CCDC124: variants seen among roughly 807,000 people sequenced by gnomAD.
CCDC124 encodes coiled-coil domain-containing protein 124.
In CCDC124, 9 loss-of-function variants were observed where a neutral mutation model predicts 19.8. That is an observed-to-expected ratio of 0.45 (90% CI 0.27 to 0.79). The LOEUF (loss-of-function observed/expected upper bound fraction) is 0.79. Among genes scored for constraint, CCDC124 ranks in the 30% least tolerant of loss-of-function variants. The pLI is 0.14. For synonymous variants in CCDC124, 126 were observed against 131.3 expected, an observed-to-expected ratio of 0.96 and a Z score of 0.27; for missense variants, 285 against 319.0, an observed-to-expected ratio of 0.89 and a Z score of 0.81.
chr19:17,943,241 T>TGGGGGGGGGC lies in CCDC124; in HGVS notation c.350-20_350-19insGGGGGGGGGC. ...CTTTGCTTATCTCTCTCTGTCTCTG[T>TGGGGGGGGGC]CACCCACCCACCCGCCCAGCCGAGA... On this transcript the variant is annotated intron_variant, in intron 3 of 4. Coordinates refer to ENST00000445755, the MANE Select transcript of CCDC124 (RefSeq NM_001136203.2). 1 of 736,666 alleles carries TGGGGGGGGGC rather than the reference T, an allele frequency of 1.4e-6. No individual in the cohort carries two copies. 45.6% of individuals were successfully genotyped at this position (736,666 alleles called of 1,614,324 possible).
In CCDC124 at chr19:17,942,861, GCT is replaced by G; in HGVS notation, c.349+19_349+20del. On this transcript the variant is annotated intron_variant, in intron 3 of 4. Transcript: ENST00000445755. This position sits in a 1 kb window ranked among gnomAD's most constrained non-coding sequence, Gnocchi z 4.2. ...CCGGACACAGGTCGGGCGGCATCCC[GCT>G]CTGGAGCTGCACTTTTGCCCACTGC... The G allele has an allele frequency of 2.7e-6, 4 of 1,483,034 alleles. No individual in the cohort carries two copies. The highest frequency in any genetic ancestry group is 3.6e-6 in the Non-Finnish European group (4 of 1,117,154). The allele number at this position is 1,483,034 out of a possible 1,614,324, so 91.9% of individuals were successfully genotyped here. A position where few individuals can be genotyped will look rare whatever the true frequency, so the allele number is the denominator to read the frequency against.
Position 17,943,241 on chromosome 19 carries a change from T to TCGGGGGGGGGGCC in CCDC124, c.350-19_350-18insGGGGGGGGGGCCC. The TCGGGGGGGGGGCC allele has an allele frequency of 4.1e-6, 3 of 736,678 alleles. No homozygotes were observed. The highest frequency in any genetic ancestry group is 7.2e-6 in the Non-Finnish European group (3 of 414,970). 45.6% of individuals were successfully genotyped at this position (736,678 alleles called of 1,614,324 possible). On this transcript the variant is annotated intron_variant, in intron 3 of 4. Transcript: ENST00000445755. ...CTTTGCTTATCTCTCTCTGTCTCTG[T>TCGGGGGGGGGGCC]CACCCACCCACCCGCCCAGCCGAGA...
intron 2 of CCDC124, among the ~76,000 whole-genome samples, chr19:17,939,939 T>TA (rs1320129012): frequency 2.9e-5 from 4 of 139,444 alleles, no homozygotes; most frequent in South Asian, 2.3e-4. Flanking sequence ...TTTTTTTTTT[T>TA]AGACAGTCTC....
At chr19:17,934,345 C>T (rs1475115601) in intron 1 of CCDC124, among the ~76,000 whole-genome samples, 9 of 148,826 alleles carry the variant, frequency 6.0e-5, no homozygotes, top group African/African-American at 7.8e-5. Flanking sequence ...GAGATTGTGC[C>T]ACTGCATTCC....
At position 17,942,892 on chromosome 19, in the gene CCDC124, G is replaced by C; in HGVS notation, c.349+47G>C. On this transcript the variant is annotated intron_variant, in intron 3 of 4. Transcript: ENST00000445755. The surrounding 1 kb of genome is among the most constrained non-coding windows in gnomAD (Gnocchi z 4.2). ...GAGCTGCACTTTTGCCCACTGCAGA[G>C]GCAGTGGACCTTGAGTCCATTAGCC... 6.9e-7 allele frequency: 1 copy of C among 1,457,952 alleles called. No homozygotes were observed. Among genetic ancestry groups the C allele is most frequent in the Non-Finnish European group, 9.1e-7 (1 of 1,103,808 alleles). 90.3% of individuals were successfully genotyped at this position (1,457,952 alleles called of 1,614,324 possible). A position where few individuals can be genotyped will look rare whatever the true frequency, so the allele number is the denominator to read the frequency against.
chr19:17,939,617 TTTG>T (rs1280749970), intron 2 of CCDC124, among the ~76,000 whole-genome samples: 3 of 151,378 alleles, frequency 2.0e-5, no homozygotes, highest in African/African-American at 7.3e-5. Flanking sequence ...CACCTTCTCC[TTTG>T]TTAAGAGGCT....
In CCDC124 at chr19:17,942,592, C is replaced by A. The variant is rs539440811; in HGVS notation, c.160-64C>A. ...GTTGGCTGAGATGAAAACTCGAACC[C>A]CAGGCTAGTGGGTGGCGCGGGGGTG... On this transcript the variant is annotated intron_variant, in intron 2 of 4. Coordinates refer to ENST00000445755, the MANE Select transcript of CCDC124 (RefSeq NM_001136203.2). This position sits in a 1 kb window ranked among gnomAD's most constrained non-coding sequence, Gnocchi z 4.2. 3.9e-6 allele frequency: 6 copies of A among 1,524,934 alleles called. No homozygotes were observed. In the East Asian group the frequency reaches 1.5e-4, roughly 37 times the overall value. The allele number at this position is 1,524,934 out of a possible 1,614,324, so 94.5% of individuals were successfully genotyped here. A position where few individuals can be genotyped will look rare whatever the true frequency, so the allele number is the denominator to read the frequency against.
In CCDC124 at chr19:17,943,241, T is replaced by TGGGGGGGCC; in HGVS notation, c.350-20_350-19insGGGGGGGCC. 3 of 736,662 alleles carry TGGGGGGGCC rather than the reference T, an allele frequency of 4.1e-6. No homozygotes were observed. Among genetic ancestry groups the TGGGGGGGCC allele is most frequent in the Admixed American group, 2.0e-5 (1 of 49,248 alleles). 45.6% of individuals were successfully genotyped at this position (736,662 alleles called of 1,614,324 possible). ...CTTTGCTTATCTCTCTCTGTCTCTGTCACCCACCCACCCGCCCAGCCGAGA... is the reference window on the plus strand; with the variant it reads ...CTTTGCTTATCTCTCTCTGTCTCTGTGGGGGGGCCCACCCACCCACCCGCCCAGCCGAGA... On this transcript the variant is annotated intron_variant, in intron 3 of 4. Coordinates refer to ENST00000445755, the MANE Select transcript of CCDC124 (RefSeq NM_001136203.2).
chr19:17,943,214 A>G (rs558099896), intron 3 of CCDC124, 47 bp from the exon 4 acceptor site: 7 of 1,404,308 alleles, frequency 5.0e-6, no homozygotes, highest in South Asian at 3.7e-5. Flanking sequence ...GGAACTGTGC[A>G]TCTTTGCTTA....
chr19:17,936,169 T>C (rs536854295), intron 1 of CCDC124: 2 of 389,006 alleles, frequency 5.1e-6, no homozygotes, highest in African/African-American at 2.0e-5. Context: ...CCTCCCAAAG[T>C]GCTGGGATTA....
rs1302753312 is a variant in CCDC124, at chr19:17,942,909, C to G, written c.349+64C>G. 13 of 1,445,670 alleles carry G rather than the reference C, an allele frequency of 9.0e-6. No individual in the cohort carries two copies. The highest frequency in any genetic ancestry group is 1.0e-5 in the Non-Finnish European group (11 of 1,096,634). The allele number at this position is 1,445,670 out of a possible 1,614,324, so 89.6% of individuals were successfully genotyped here. On this transcript the variant is annotated intron_variant, in intron 3 of 4. Transcript: ENST00000445755. The surrounding 1 kb of genome is among the most constrained non-coding windows in gnomAD (Gnocchi z 4.2). Reference sequence around the variant, plus strand: ...ACTGCAGAGGCAGTGGACCTTGAGTCCATTAGCCCCCTCCTGGCCCCCAGA... The same window carrying G: ...ACTGCAGAGGCAGTGGACCTTGAGTGCATTAGCCCCCTCCTGGCCCCCAGA...
chr19:17,941,193 C>A (rs2031172325), intron 2 of CCDC124, among the ~76,000 whole-genome samples: 1 of 152,082 alleles, frequency 6.6e-6, no homozygotes, highest in Non-Finnish European at 1.5e-5. Context: ...AGTCCCCCAC[C>A]AGTGATACCT....
chr19:17,943,100 TC>T (rs1568439540), intron 3 of CCDC124, among the ~76,000 whole-genome samples, 160 bp from the exon 4 acceptor site: 1 of 152,072 alleles, frequency 6.6e-6, no homozygotes, highest in Non-Finnish European at 1.5e-5. Context: ...GTGGGACCTG[TC>T]CCAAGAGGGC....
At chr19:17,943,184 A>G in intron 3 of CCDC124, 77 bp from the exon 4 acceptor site, 2 of 1,194,432 alleles carry the variant, frequency 1.7e-6, no homozygotes, top group Non-Finnish European at 2.4e-6. Context: ...TTCTCTTGCC[A>G]GTCTCTATCT....
intron 1 of CCDC124, among the ~76,000 whole-genome samples, chr19:17,934,139 CAT>C (rs888576958): frequency 2.0e-5 from 3 of 149,940 alleles, no homozygotes; most frequent in African/African-American, 7.6e-5. Flanking sequence ...GCCTGGCCAA[CAT>C]AGTGAAACCC....
Position 17,943,702 on chromosome 19 carries a change from A to T in CCDC124, c.659A>T (p.Asn220Ile). The change falls in exon 5 of 5, where the codon AAT (asparagine) becomes ATT (isoleucine). Residue 220 changes from asparagine to isoleucine, a missense_variant. Coordinates refer to ENST00000445755, the MANE Select transcript of CCDC124 (RefSeq NM_001136203.2). The stretch of plus-strand genomic sequence containing the variant: ...ATGAACCAGCGGGCCGTGCCCTTCA[A>T]TGCCCCCAAGTGAGCCCAGAACTTG... ...NPMNQRAVPFNAPK is the reference protein window; with the variant it reads ...NPMNQRAVPFIAPK The T allele has an allele frequency of 6.2e-7, 1 of 1,612,650 alleles. No individual in the cohort carries two copies. The highest frequency in any genetic ancestry group is 8.5e-7 in the Non-Finnish European group (1 of 1,179,866).
rs2031249208 is a variant in CCDC124, at chr19:17,943,824, C to T, written c.*109C>T. 8.9e-7 allele frequency: 1 copy of T among 1,121,150 alleles called. No individual in the cohort carries two copies. The highest frequency in any genetic ancestry group is 1.3e-6 in the Non-Finnish European group (1 of 778,316). The allele number at this position is 1,121,150 out of a possible 1,614,324, so 69.5% of individuals were successfully genotyped here. ...TCACAGAGCGTTCCGGGGGCCAAGGCGCCGGGCCCCGGGGCCATGCTCTTA... is the reference window on the plus strand; with the variant it reads ...TCACAGAGCGTTCCGGGGGCCAAGGTGCCGGGCCCCGGGGCCATGCTCTTA... On this transcript the variant is annotated 3_prime_UTR_variant, in exon 5 of 5. Transcript: ENST00000445755.
chr19:17,940,772 G>A (rs1385004937), intron 2 of CCDC124, among the ~76,000 whole-genome samples: 1 of 149,760 alleles, frequency 6.7e-6, no homozygotes, highest in African/African-American at 2.5e-5. Flanking sequence ...AAAGGGCCGG[G>A]CGCGGTAACT....
chr19:17,936,176 A>G, intron 1 of CCDC124: 2 of 417,460 alleles, frequency 4.8e-6, no homozygotes, highest in Non-Finnish European at 8.6e-6. Context: ...AAGTGCTGGG[A>G]TTACGGGTGT....
Sources: gnomAD v4.1 joint callset for allele counts (sites outside exome capture counted in the v4.1 genomes callset) on GRCh38, gnomAD v4.1.1 for gene constraint, Gnocchi (gnomAD v3.1) non-coding constraint, MANE v1.5 for transcripts, NCBI Gene and HGNC (gene_info 2026-07-23, HGNC 2026-07-21) for gene names.